ATRNL1: variants seen among roughly 807,000 people sequenced by gnomAD.
ATRNL1 encodes the protein attractin-like protein 1.
In ATRNL1, 95 loss-of-function variants were observed where a neutral mutation model predicts 182.7. That is an observed-to-expected ratio of 0.52 (90% CI 0.44 to 0.62). The LOEUF (loss-of-function observed/expected upper bound fraction) is 0.62, where lower values mean the gene tolerates loss of function less well. ATRNL1 is among the 20% of genes least tolerant of loss of function. ATRNL1 has a pLI of 0.00. For missense variants in ATRNL1, 1,471 were observed against 1,679.5 expected (o/e 0.88, Z 2.17); for synonymous variants, 576 against 568.3 (o/e 1.01, Z -0.19).
chr10:115,133,818 G>A (rs1225312760), intron 5 of ATRNL1, among the ~76,000 whole-genome samples: 6 of 152,150 alleles, frequency 3.9e-5, no homozygotes, highest in Admixed American at 3.9e-4. Context: ...CTCAGCAAAT[G>A]TGAAAGAACA....
intron 19 of ATRNL1, among the ~76,000 whole-genome samples, chr10:115,356,036 G>A (rs114023211): frequency 0.013 from 1,964 of 152,134 alleles, 37 homozygotes; most frequent in African/African-American, 0.044. Context: ...TTACAGACGT[G>A]TTTAATACTT....
At chr10:115,233,660 T>C (rs1206910430) in intron 9 of ATRNL1, among the ~76,000 whole-genome samples, 3 of 152,126 alleles carry the variant, frequency 2.0e-5, no homozygotes, top group African/African-American at 7.2e-5. Context: ...GTGGGTTTTT[T>C]AGATATCATT....
intron 9 of ATRNL1, among the ~76,000 whole-genome samples, chr10:115,223,927 A>ATTTTTTT (rs1849582902): frequency 2.6e-4 from 10 of 38,174 alleles, no homozygotes; most frequent in Non-Finnish European, 3.3e-4. Context: ...ATATATATAT[A>ATTTTTTT]TATTTTTTTT....
At chr10:115,256,274 T>C (rs901676767) in intron 10 of ATRNL1, among the ~76,000 whole-genome samples, 4 of 152,206 alleles carry the variant, frequency 2.6e-5, no homozygotes, top group African/African-American at 4.8e-5. Flanking sequence ...TCCTGGACTT[T>C]TTTTGTTTGG....
At chr10:115,684,673 A>T (rs1555045804) in intron 26 of ATRNL1, among the ~76,000 whole-genome samples, 1 of 151,688 alleles carries the variant, frequency 6.6e-6, no homozygotes, top group African/African-American at 2.4e-5. Context: ...TGGGTTAATT[A>T]TCTAACTTCC....
At chr10:115,097,587 A>C (rs1442919374) in intron 1 of ATRNL1, among the ~76,000 whole-genome samples, 1 of 152,132 alleles carries the variant, frequency 6.6e-6, no homozygotes, top group African/African-American at 2.4e-5. Context: ...ATAGACAAAA[A>C]CGGGCAGAAT....
At chr10:115,353,599 C>T (rs1856368080) in intron 19 of ATRNL1, among the ~76,000 whole-genome samples, 1 of 152,106 alleles carries the variant, frequency 6.6e-6, no homozygotes, top group African/African-American at 2.4e-5. Context: ...TAACTACTTC[C>T]AGTTTGTCAT....
rs1858198294 is a variant in ATRNL1, at chr10:115,627,706, C to T, written c.3795+78170C>T. The stretch of plus-strand genomic sequence containing the variant: ...CCACAATTTATTTGTCACTTCATCC[C>T]TTGATTGATATTTGGGCTGTTTCTA... On this transcript the variant is annotated intron_variant, in intron 26 of 28. Transcript: ENST00000355044. 2.0e-5 allele frequency among the ~76,000 whole-genome samples: 3 copies of T among 152,046 alleles called. No homozygotes were observed. The South Asian group carries it at 6.2e-4, about 32-fold the overall frequency.
chr10:115,215,378 T>G (rs1849189289), intron 8 of ATRNL1, among the ~76,000 whole-genome samples: 1 of 152,284 alleles, frequency 6.6e-6, no homozygotes, highest in African/African-American at 2.4e-5. Context: ...TCAAAATATT[T>G]GTTAAAAATT....
chr10:115,694,994 A>G (rs1320732563), intron 26 of ATRNL1, among the ~76,000 whole-genome samples: 3 of 151,840 alleles, frequency 2.0e-5, no homozygotes, highest in Non-Finnish European at 4.4e-5. Context: ...GACTCCTTAG[A>G]GATAAAAGGG....
At position 115,878,377 on chromosome 10, in the gene ATRNL1, T is replaced by C. The variant is rs78691979; in HGVS notation, c.4018+30386T>C. ...GAAGACTCTTCTCCCAGGAAATAAATAGATTATAAGAAACAATAAGAAATA... is the reference window on the plus strand; with the variant it reads ...GAAGACTCTTCTCCCAGGAAATAAACAGATTATAAGAAACAATAAGAAATA... On this transcript the variant is annotated intron_variant, in intron 28 of 28. Transcript: ENST00000355044. 5.1e-4 allele frequency among the ~76,000 whole-genome samples: 78 copies of C among 152,268 alleles called. 1 individual carries two copies. In the East Asian group the frequency reaches 0.014, roughly 28 times the overall value.
intron 26 of ATRNL1, among the ~76,000 whole-genome samples, chr10:115,709,295 G>A (rs150039481): frequency 2.8e-4 from 43 of 151,876 alleles, no homozygotes; most frequent in Non-Finnish European, 5.3e-4. Context: ...GGTATTTGTT[G>A]GCATGTCACA....
At chr10:115,502,710 C>T (rs1849906262) in intron 24 of ATRNL1, among the ~76,000 whole-genome samples, 1 of 152,038 alleles carries the variant, frequency 6.6e-6, no homozygotes, top group Non-Finnish European at 1.5e-5. Flanking sequence ...GTGCCTTTGA[C>T]ATTAATGATT....
chr10:115,689,655 G>A (rs928182883), intron 26 of ATRNL1, among the ~76,000 whole-genome samples: 2 of 152,146 alleles, frequency 1.3e-5, no homozygotes, highest in Non-Finnish European at 2.9e-5. Flanking sequence ...TGCTGGTAGT[G>A]GCAGCAGTGG....
chr10:115,380,876 A>T (rs546359585), intron 19 of ATRNL1, among the ~76,000 whole-genome samples: 1 of 152,172 alleles, frequency 6.6e-6, no homozygotes, highest in African/African-American at 2.4e-5. Flanking sequence ...GTGGACATTT[A>T]AAAAAATCCT....
At chr10:115,876,474 TA>T (rs1951703688) in intron 28 of ATRNL1, among the ~76,000 whole-genome samples, 1 of 152,230 alleles carries the variant, frequency 6.6e-6, no homozygotes, top group South Asian at 2.1e-4. Flanking sequence ...AGGAACTTTA[TA>T]ACAGGCATTT....
chr10:115,737,755 C>T (rs1422140657), intron 27 of ATRNL1, among the ~76,000 whole-genome samples: 1 of 152,180 alleles, frequency 6.6e-6, no homozygotes, highest in Non-Finnish European at 1.5e-5. Flanking sequence ...AGAATGAGGA[C>T]TCAGACCCCC....
intron 28 of ATRNL1, among the ~76,000 whole-genome samples, chr10:115,870,517 G>T (rs1020971915): frequency 7.2e-5 from 11 of 152,162 alleles, no homozygotes; most frequent in African/African-American, 2.7e-4. Flanking sequence ...GTAAGCACTG[G>T]TTATCTGGGA....
At chr10:115,143,140 TAGAG>T (rs1379393553) in intron 5 of ATRNL1, among the ~76,000 whole-genome samples, 1 of 152,094 alleles carries the variant, frequency 6.6e-6, no homozygotes, top group South Asian at 2.1e-4. Flanking sequence ...AAAGTTAGCA[TAGAG>T]AGAGAGAATC....
Sources: gnomAD v4.1 joint callset for allele counts (sites outside exome capture counted in the v4.1 genomes callset) on GRCh38, gnomAD v4.1.1 for gene constraint, MANE v1.5 for transcripts, NCBI Gene and HGNC (gene_info 2026-07-23, HGNC 2026-07-21) for gene names.